TRPC4: variants seen among roughly 807,000 people sequenced by gnomAD.
TRPC4 encodes short transient receptor potential channel 4.
In TRPC4, 49 loss-of-function variants were observed where a neutral mutation model predicts 99.4. The ratio of observed to expected loss-of-function variants is 0.49; its 90% CI spans 0.39 to 0.63. The LOEUF (loss-of-function observed/expected upper bound fraction) is 0.63. Among genes scored for constraint, TRPC4 ranks in the 20% least tolerant of loss-of-function variants. The pLI, the probability that TRPC4 is intolerant of heterozygous loss-of-function variation, is 0.00. For synonymous variants in TRPC4, 454 were observed against 425.9 expected (o/e 1.07, Z -0.81); for missense variants, 898 against 1,152.9 (o/e 0.78, Z 3.20).
At chr13:37,819,488 G>A (rs1484148712) in intron 1 of TRPC4, among the ~76,000 whole-genome samples, 1 of 151,988 alleles carries the variant, frequency 6.6e-6, no homozygotes, top group South Asian at 2.1e-4. Context: ...ATACTATGTA[G>A]CCATGAAAAG....
chr13:37,763,116 C>T (rs113646808), intron 2 of TRPC4, among the ~76,000 whole-genome samples: 50 of 151,160 alleles, frequency 3.3e-4, no homozygotes, highest in African/African-American at 1.0e-3. Context: ...ATAATATATA[C>T]GTATATATAT....
At chr13:37,804,529 A>C (rs1957481887) in intron 1 of TRPC4, among the ~76,000 whole-genome samples, 1 of 152,148 alleles carries the variant, frequency 6.6e-6, no homozygotes, top group Non-Finnish European at 1.5e-5. Context: ...ACTTTTATAG[A>C]GAAATAGTTT....
intron 8 of TRPC4, among the ~76,000 whole-genome samples, chr13:37,643,696 T>A (rs1336022910): frequency 6.6e-6 from 1 of 152,166 alleles, no homozygotes; most frequent in Non-Finnish European, 1.5e-5. Flanking sequence ...TAGCGTGGAC[T>A]CTTAATGTAG....
chr13:37,811,966 C>A (rs1245741787), intron 1 of TRPC4, among the ~76,000 whole-genome samples: 2 of 151,804 alleles, frequency 1.3e-5, no homozygotes, highest in East Asian at 1.9e-4. Context: ...AGGTCAAGAC[C>A]AGCCAGGCCA....
In TRPC4 at chr13:37,835,319, T is replaced by C. The variant is rs1407175602; in HGVS notation, c.-28+34276A>G. Reference sequence around the variant, plus strand: ...TTCATTGTAAAATATGACCTATGAATGTCCAGTGTCCTCCATTCACAGCCA... The same window carrying C: ...TTCATTGTAAAATATGACCTATGAACGTCCAGTGTCCTCCATTCACAGCCA... On this transcript the variant is annotated intron_variant, in intron 1 of 10. Transcript: ENST00000379705. 2.0e-5 allele frequency among the ~76,000 whole-genome samples: 3 copies of C among 152,326 alleles called. No homozygotes were observed. In the East Asian group the frequency reaches 5.8e-4, roughly 29 times the overall value.
chr13:37,759,056 T>C (rs1386952911), intron 2 of TRPC4, among the ~76,000 whole-genome samples: 1 of 151,696 alleles, frequency 6.6e-6, no homozygotes, highest in East Asian at 1.9e-4. Flanking sequence ...AATTATAAAA[T>C]TGAGACTATA....
intron 1 of TRPC4, among the ~76,000 whole-genome samples, chr13:37,827,021 T>C (rs1593269979): frequency 6.6e-6 from 1 of 152,102 alleles, no homozygotes; most frequent in South Asian, 2.1e-4. Flanking sequence ...ATTTCATTCG[T>C]TTCATCTTCC....
chr13:37,737,283 G>A (rs1048362372), intron 3 of TRPC4, among the ~76,000 whole-genome samples: 1 of 151,524 alleles, frequency 6.6e-6, no homozygotes, highest in Admixed American at 6.6e-5. Context: ...ACTCTTTCAT[G>A]AGCAAATATG....
intron 1 of TRPC4, among the ~76,000 whole-genome samples, chr13:37,822,544 G>A (rs949222863): frequency 5.3e-5 from 8 of 150,640 alleles, no homozygotes; most frequent in African/African-American, 2.0e-4. Context: ...TCTTGTGATA[G>A]TTTACTAAGA....
chr13:37,708,567 C>T (rs35397621), intron 3 of TRPC4, among the ~76,000 whole-genome samples: 473 of 151,728 alleles, frequency 3.1e-3, no homozygotes, highest in South Asian at 0.021. Flanking sequence ...GTTCCCTGAT[C>T]GCAAAGGAAT....
In TRPC4 at chr13:37,635,203, C is replaced by T. The variant is rs546431039; in HGVS notation, c.*1700G>A. Among the ~76,000 whole-genome samples the T allele has an allele frequency of 6.6e-6, 1 of 151,968 alleles. No individual in the cohort carries two copies. The highest frequency in any genetic ancestry group is 2.4e-5 in the African/African-American group (1 of 41,380). ...GGACTTCAGAAGTGGCAATTGTAAC[C>T]CCTGTATATGCATGTTTTATAACTT... On this transcript the variant is annotated 3_prime_UTR_variant, in exon 11 of 11. Coordinates refer to ENST00000379705, the MANE Select transcript of TRPC4 (RefSeq NM_016179.4).
intron 3 of TRPC4, among the ~76,000 whole-genome samples, chr13:37,719,341 A>T (rs1052849168): frequency 6.6e-6 from 1 of 152,026 alleles, no homozygotes; most frequent in African/African-American, 2.4e-5. Context: ...GAGTGAGACC[A>T]TGTCTTATAA....
At chr13:37,737,503 C>T (rs114956133) in intron 3 of TRPC4, among the ~76,000 whole-genome samples, 2,283 of 152,218 alleles carry the variant, frequency 0.015, 45 homozygotes, top group African/African-American at 0.052. Flanking sequence ...GACAGGGTCT[C>T]ATTCTGTTCC....
chr13:37,777,334 G>A (rs1400999053), intron 2 of TRPC4, among the ~76,000 whole-genome samples: 2 of 151,916 alleles, frequency 1.3e-5, no homozygotes, highest in Admixed American at 6.6e-5. Flanking sequence ...GAGTGAAGGG[G>A]AAGCAAGCAT....
Position 37,639,319 on chromosome 13 carries a change from T to C in TRPC4, c.2080-20A>G. ...TCGCCTCTGAAAAGGAAAAGGACAT[T>C]CCTTTCTGGTTATACTGTTATATTA... On this transcript the variant is annotated intron_variant, in intron 8 of 10. Coordinates refer to ENST00000379705, the MANE Select transcript of TRPC4 (RefSeq NM_016179.4). 1 of 1,612,666 alleles carries C rather than the reference T, an allele frequency of 6.2e-7. No homozygotes were observed. The highest frequency in any genetic ancestry group is 1.3e-5 in the African/African-American group (1 of 74,996).
chr13:37,819,833 A>T (rs988423765), intron 1 of TRPC4, among the ~76,000 whole-genome samples: 2 of 151,852 alleles, frequency 1.3e-5, no homozygotes, highest in Non-Finnish European at 2.9e-5. Flanking sequence ...GAAAGTTAAA[A>T]AAAAAAACAA....
At chr13:37,827,842 T>C (rs1958286159) in intron 1 of TRPC4, among the ~76,000 whole-genome samples, 1 of 152,146 alleles carries the variant, frequency 6.6e-6, no homozygotes, top group South Asian at 2.1e-4. Flanking sequence ...TAAGCAAGCC[T>C]GGGCAATGGC....
intron 1 of TRPC4, among the ~76,000 whole-genome samples, chr13:37,808,707 G>A (rs1483124535): frequency 6.6e-6 from 1 of 152,020 alleles, no homozygotes; most frequent in Non-Finnish European, 1.5e-5. Context: ...TAGCACCTAA[G>A]CATGGTATGA....
intron 8 of TRPC4, among the ~76,000 whole-genome samples, chr13:37,647,960 T>C (rs757051742): frequency 6.6e-6 from 1 of 152,240 alleles, no homozygotes; most frequent in Non-Finnish European, 1.5e-5. Flanking sequence ...TATTTATTTA[T>C]TGAGATGGAG....
Sources: allele counts gnomAD v4.1 joint callset (sites outside exome capture counted in the v4.1 genomes callset), GRCh38; gene constraint gnomAD v4.1.1; transcripts MANE v1.5; gene names NCBI Gene and HGNC (gene_info 2026-07-23, HGNC 2026-07-21).